CDH9: variants seen among roughly 807,000 people sequenced by gnomAD.
CDH9 encodes cadherin-9.
In CDH9, 28 loss-of-function variants were observed where a neutral mutation model predicts 70.9. The ratio of observed to expected loss-of-function variants is 0.40; its 90% CI spans 0.29 to 0.54. The LOEUF (loss-of-function observed/expected upper bound fraction) is 0.54. Among genes scored for constraint, CDH9 ranks in the 20% least tolerant of loss-of-function variants. The pLI, the probability that CDH9 is intolerant of heterozygous loss-of-function variation, is 0.59. For synonymous variants in CDH9, 409 were observed against 343.1 expected (o/e 1.19, Z -2.12); for missense variants, 874 against 984.4 (o/e 0.89, Z 1.50).
At chr5:26,970,355 T>G (rs1203474666) in intron 2 of CDH9, among the ~76,000 whole-genome samples, 1 of 151,998 alleles carries the variant, frequency 6.6e-6, no homozygotes, top group African/African-American at 2.4e-5. Flanking sequence ...GAAATGACCA[T>G]GAGTCACGTT....
intron 1 of CDH9, among the ~76,000 whole-genome samples, chr5:27,015,355 T>C (rs996568218): frequency 1.3e-5 from 2 of 151,854 alleles, no homozygotes; most frequent in African/African-American, 4.8e-5. Context: ...AATGCATCAA[T>C]GCTAATTTCT....
chr5:26,985,532 T>C (rs865959960), intron 2 of CDH9, among the ~76,000 whole-genome samples: 4 of 152,152 alleles, frequency 2.6e-5, no homozygotes, highest in African/African-American at 9.7e-5. Flanking sequence ...CAATTCAGGA[T>C]CAAACCCTCG....
chr5:26,908,554 T>G (rs529281082), intron 3 of CDH9, among the ~76,000 whole-genome samples: 1 of 152,182 alleles, frequency 6.6e-6, no homozygotes, highest in Non-Finnish European at 1.5e-5. Flanking sequence ...TTGTAAGCTT[T>G]CATAATGGGT....
intron 2 of CDH9, among the ~76,000 whole-genome samples, chr5:26,978,550 C>T (rs1242743671): frequency 6.6e-6 from 1 of 150,612 alleles, no homozygotes; most frequent in Non-Finnish European, 1.5e-5. Context: ...TTTGAAGTTT[C>T]TAAAAGGAAG....
At chr5:27,013,673 C>A (rs1742999674) in intron 1 of CDH9, among the ~76,000 whole-genome samples, 1 of 151,920 alleles carries the variant, frequency 6.6e-6, no homozygotes, top group Non-Finnish European at 1.5e-5. Context: ...GCCCTACCAA[C>A]CGACCTGTGA....
At chr5:27,003,942 G>T (rs1470235255) in intron 1 of CDH9, among the ~76,000 whole-genome samples, 3 of 151,672 alleles carry the variant, frequency 2.0e-5, no homozygotes, top group South Asian at 2.1e-4. Flanking sequence ...AGGCAAAACT[G>T]GTTGAAAGGT....
At chr5:27,016,666 T>C (rs951064048) in intron 1 of CDH9, among the ~76,000 whole-genome samples, 38 of 151,848 alleles carry the variant, frequency 2.5e-4, no homozygotes, top group African/African-American at 8.7e-4. Context: ...AAAACCGATA[T>C]GCAAATTATC....
At chr5:26,982,852 T>C (rs892253797) in intron 2 of CDH9, among the ~76,000 whole-genome samples, 1 of 151,658 alleles carries the variant, frequency 6.6e-6, no homozygotes, top group Non-Finnish European at 1.5e-5. Flanking sequence ...CTGGATAATA[T>C]TTGTATTTTT....
At chr5:26,942,131 T>G (rs1741672499) in intron 2 of CDH9, among the ~76,000 whole-genome samples, 1 of 152,138 alleles carries the variant, frequency 6.6e-6, no homozygotes, top group Admixed American at 6.5e-5. Flanking sequence ...AACACAATCA[T>G]GGTGGAAGGG....
At chr5:27,002,530 T>A (rs1392731133) in intron 1 of CDH9, among the ~76,000 whole-genome samples, 2 of 152,070 alleles carry the variant, frequency 1.3e-5, no homozygotes, top group African/African-American at 2.4e-5. Context: ...CAAATGTCCA[T>A]CAATGATAGA....
intron 8 of CDH9, among the ~76,000 whole-genome samples, chr5:26,890,218 T>C (rs773950733): frequency 6.6e-6 from 1 of 152,222 alleles, no homozygotes; most frequent in Non-Finnish European, 1.5e-5. Context: ...ATTTCTCTCC[T>C]ATATAAGGTG....
At chr5:27,017,416 G>T (rs577823888) in intron 1 of CDH9, among the ~76,000 whole-genome samples, 1 of 140,160 alleles carries the variant, frequency 7.1e-6, no homozygotes, top group South Asian at 2.1e-4. Flanking sequence ...GTTTCACAAT[G>T]CTTGAGTCCA....
chr5:26,970,695 T>C (rs961187182), intron 2 of CDH9, among the ~76,000 whole-genome samples: 10 of 152,112 alleles, frequency 6.6e-5, no homozygotes. Flanking sequence ...GAACCTTCAT[T>C]GCTCTGCCTT....
chr5:27,017,338 C>T (rs1387154838), intron 1 of CDH9, among the ~76,000 whole-genome samples: 1 of 151,792 alleles, frequency 6.6e-6, no homozygotes, highest in Non-Finnish European at 1.5e-5. Context: ...AATGAGTGAT[C>T]CTCAACTGAA....
chr5:26,955,996 C>T (rs1579475347), intron 2 of CDH9, among the ~76,000 whole-genome samples: 1 of 152,216 alleles, frequency 6.6e-6, no homozygotes, highest in East Asian at 1.9e-4. Context: ...AATTTAATTG[C>T]CATTTTAACA....
intron 2 of CDH9, among the ~76,000 whole-genome samples, chr5:26,930,666 A>T (rs567315065): frequency 7.2e-5 from 11 of 152,170 alleles, no homozygotes; most frequent in Admixed American, 2.6e-4. Context: ...TTCTTTTTTA[A>T]CCTGTTATTA....
At chr5:26,972,227 A>G (rs1390154762) in intron 2 of CDH9, among the ~76,000 whole-genome samples, 2 of 152,160 alleles carry the variant, frequency 1.3e-5, no homozygotes, top group African/African-American at 2.4e-5. Context: ...GGTCTAATAT[A>G]AGAAAGTCAA....
At chr5:26,924,706 G>C (rs78942103) in intron 2 of CDH9, among the ~76,000 whole-genome samples, 14,633 of 151,612 alleles carry the variant, frequency 0.097, 882 homozygotes, top group East Asian at 0.19. Flanking sequence ...TACCCCAGCC[G>C]CCCATCCTAA....
intron 2 of CDH9, among the ~76,000 whole-genome samples, chr5:26,943,240 G>C (rs567840096): frequency 6.6e-6 from 1 of 152,098 alleles, no homozygotes; most frequent in Non-Finnish European, 1.5e-5. Flanking sequence ...GGTGGGGCGC[G>C]GTAGCTTATG....
Sources: gnomAD v4.1 joint callset for allele counts (sites outside exome capture counted in the v4.1 genomes callset) on GRCh38, gnomAD v4.1.1 for gene constraint, MANE v1.5 for transcripts, NCBI Gene and HGNC (gene_info 2026-07-23, HGNC 2026-07-21) for gene names.